The following SH3BGRL variants were observed in gnomAD, a reference collection of about 807,000 sequenced individuals.
The protein encoded by SH3BGRL is SH3 domain binding glutamate rich protein like.
A neutral mutation model predicts 9.8 loss-of-function variants in SH3BGRL; 7 were observed. The observed-to-expected ratio is 0.72, with a 90% CI of 0.41 to 1.35. The LOEUF is 1.35. Ranked by LOEUF, SH3BGRL falls within the 40% of genes most tolerant of loss-of-function variation. The probability of loss-of-function intolerance (pLI) is 0.01; values close to 1 mark genes in which losing one functional copy is unlikely to be tolerated. For missense variants in SH3BGRL, 73 were observed against 84.4 expected, an observed-to-expected ratio of 0.86 and a Z score of 0.53; for synonymous variants, 36 against 29.1, an observed-to-expected ratio of 1.24 and a Z score of -0.76.
intron 1 of SH3BGRL, among the ~76,000 whole-genome samples, chrX:81,226,505 T>C (rs1440125705): frequency 9.6e-6 from 1 of 104,150 alleles, no homozygotes; most frequent in African/African-American, 3.4e-5. Flanking sequence ...TATATATATA[T>C]ATCTATATAT....
intron 1 of SH3BGRL, among the ~76,000 whole-genome samples, chrX:81,230,696 A>G (rs757444380): frequency 1.8e-5 from 2 of 111,816 alleles, no homozygotes; most frequent in African/African-American, 6.5e-5. Context: ...GGTAAACTTT[A>G]TAAACTCTAA....
At chrX:81,279,843 G>A (rs1417610645) in intron 3 of SH3BGRL, among the ~76,000 whole-genome samples, 2 of 111,289 alleles carry the variant, frequency 1.8e-5, no homozygotes, top group African/African-American at 6.5e-5. Flanking sequence ...GCCAGAACTC[G>A]GGGGAGGGTG....
chrX:81,281,433 C>A (rs1212895345), intron 3 of SH3BGRL, among the ~76,000 whole-genome samples: 1 of 111,847 alleles, frequency 8.9e-6, no homozygotes, highest in Non-Finnish European at 1.9e-5. Flanking sequence ...CACTAGGTAA[C>A]CTATAAAGGA....
chrX:81,219,692 G>A (rs749745486), intron 1 of SH3BGRL, among the ~76,000 whole-genome samples: 4 of 111,367 alleles, frequency 3.6e-5, no homozygotes, highest in East Asian at 2.8e-4. Flanking sequence ...CATCTTTGTC[G>A]TGTACCAGAT....
intron 1 of SH3BGRL, among the ~76,000 whole-genome samples, chrX:81,257,832 T>C (rs1267388986): frequency 1.9e-5 from 2 of 106,843 alleles, no homozygotes; most frequent in Non-Finnish European, 3.9e-5. Context: ...GGGTCACAGG[T>C]TCCACAATCT....
chrX:81,266,919 C>G (rs2075759068), intron 1 of SH3BGRL, among the ~76,000 whole-genome samples: 1 of 111,681 alleles, frequency 9.0e-6, no homozygotes, highest in Admixed American at 9.5e-5. Context: ...AGAGGTCCTT[C>G]ACATCCCTTG....
chrX:81,211,196 G>A (rs2075561952), intron 1 of SH3BGRL, among the ~76,000 whole-genome samples: 2 of 111,758 alleles, frequency 1.8e-5, no homozygotes, highest in African/African-American at 3.3e-5. Flanking sequence ...GCTTCTAGAA[G>A]TGTGTGATGG....
At chrX:81,202,667 C>A in intron 1 of SH3BGRL, 2 of 521,304 alleles carry the variant, frequency 3.8e-6, no homozygotes, top group Non-Finnish European at 4.7e-6. Context: ...GGTACACATG[C>A]TGTAACTGGT....
Position 81,206,671 on chromosome X carries a change from A to G in SH3BGRL, c.45+4426A>G, listed in dbSNP as rs772145091. 3.6e-5 allele frequency among the ~76,000 whole-genome samples: 4 copies of G among 111,762 alleles called. No homozygotes were observed. The South Asian group carries it at 1.1e-3, about 32-fold the overall frequency. On this transcript the variant is annotated intron_variant, in intron 1 of 3. Transcript: ENST00000373212. ...GAAGAAGAGTTGCCTGGGCATGTGC[A>G]TATAGGGGAATAGAGAAATGGGCAG...
chrX:81,294,126 A>C (rs754229421), intron 3 of SH3BGRL, among the ~76,000 whole-genome samples: 1 of 111,867 alleles, frequency 8.9e-6, no homozygotes, highest in African/African-American at 3.2e-5. Flanking sequence ...ATGTAATAGA[A>C]AAGAAAAGCC....
intron 1 of SH3BGRL, among the ~76,000 whole-genome samples, chrX:81,271,090 G>C (rs1320441173): frequency 8.9e-6 from 1 of 112,013 alleles, no homozygotes; most frequent in South Asian, 3.7e-4. Flanking sequence ...GGCTGGTTGC[G>C]AAGACTTTAG....
chrX:81,282,063 A>G (rs943172088), intron 3 of SH3BGRL, among the ~76,000 whole-genome samples: 1 of 112,255 alleles, frequency 8.9e-6, no homozygotes, highest in Non-Finnish European at 1.9e-5. Context: ...CTTTAAAGCA[A>G]CAGTGGTAAA....
At chrX:81,293,041 C>A (rs1370202150) in intron 3 of SH3BGRL, among the ~76,000 whole-genome samples, 1 of 112,238 alleles carries the variant, frequency 8.9e-6, no homozygotes, top group African/African-American at 3.2e-5. Flanking sequence ...ATTGTACTCC[C>A]ACAATTCCCA....
chrX:81,264,226 T>A (rs1286893982), intron 1 of SH3BGRL, among the ~76,000 whole-genome samples: 2 of 110,955 alleles, frequency 1.8e-5, no homozygotes, highest in African/African-American at 6.6e-5. Flanking sequence ...GAATTTGGAG[T>A]ATGTCTAGTA....
At position 81,278,651 on chromosome X, in the gene SH3BGRL, G is replaced by T. The variant is rs192304836; in HGVS notation, c.312+240G>T. On this transcript the variant is annotated intron_variant, in intron 3 of 3. Transcript: ENST00000373212. ...TGACTTCCCCATCAAGCTGCCCATGGGAGCAAATTTCTCATTGACCTATGC... is the reference window on the plus strand; with the variant it reads ...TGACTTCCCCATCAAGCTGCCCATGTGAGCAAATTTCTCATTGACCTATGC... 3.6e-5 allele frequency among the ~76,000 whole-genome samples: 4 copies of T among 111,776 alleles called. No homozygotes were observed. In the East Asian group the frequency reaches 1.1e-3, roughly 32 times the overall value.
intron 3 of SH3BGRL, among the ~76,000 whole-genome samples, chrX:81,281,540 C>G (rs2147715131): frequency 8.9e-6 from 1 of 112,180 alleles, no homozygotes; most frequent in East Asian, 2.8e-4. Context: ...AAATGATTAT[C>G]AGCCAACAAT....
At chrX:81,265,184 A>G (rs890976105) in intron 1 of SH3BGRL, among the ~76,000 whole-genome samples, 3 of 107,891 alleles carry the variant, frequency 2.8e-5, no homozygotes, top group African/African-American at 1.0e-4. Flanking sequence ...CAACTAAAAA[A>G]GAAAACAGAG....
At chrX:81,212,819 G>A (rs1214927708) in intron 1 of SH3BGRL, among the ~76,000 whole-genome samples, 1 of 111,903 alleles carries the variant, frequency 8.9e-6, no homozygotes, top group Non-Finnish European at 1.9e-5. Context: ...ACTTTCCAAA[G>A]TCAGTCACTC....
intron 1 of SH3BGRL, among the ~76,000 whole-genome samples, chrX:81,257,636 C>T (rs2075729311): frequency 8.9e-6 from 1 of 112,002 alleles, no homozygotes; most frequent in East Asian, 2.8e-4. Flanking sequence ...AAGAAAGACC[C>T]TAGTGTGAGT....
Sources: allele counts gnomAD v4.1 joint callset (sites outside exome capture counted in the v4.1 genomes callset), GRCh38; gene constraint gnomAD v4.1.1; transcripts MANE v1.5; gene names NCBI Gene and HGNC (gene_info 2026-07-23, HGNC 2026-07-21).